The following CACNA2D1 variants were observed in gnomAD, a reference collection of about 807,000 sequenced individuals.
The protein encoded by CACNA2D1 is calcium voltage-gated channel auxiliary subunit alpha2delta 1.
In CACNA2D1, 53 loss-of-function variants were observed where a neutral mutation model predicts 171.5. The ratio of observed to expected loss-of-function variants is 0.31; its 90% CI spans 0.25 to 0.39. CACNA2D1 has a LOEUF of 0.39. Ranked by LOEUF, CACNA2D1 falls within the 10% of genes least tolerant of loss-of-function variation. CACNA2D1 has a pLI of 1.00. For missense variants in CACNA2D1, 903 were observed against 1,299.8 expected (o/e 0.69, Z 4.69); for synonymous variants, 442 against 443.1 (o/e 1.00, Z 0.03).
At chr7:82,203,257 G>A (rs1423582968) in intron 3 of CACNA2D1, among the ~76,000 whole-genome samples, 1 of 152,150 alleles carries the variant, frequency 6.6e-6, no homozygotes, top group Non-Finnish European at 1.5e-5. Flanking sequence ...CATTCTGGAA[G>A]TAAATATTTT....
At chr7:82,125,612 A>G (rs553603705) in intron 5 of CACNA2D1, among the ~76,000 whole-genome samples, 35 of 152,208 alleles carry the variant, frequency 2.3e-4, no homozygotes, top group African/African-American at 8.4e-4. Context: ...AAATGATGGC[A>G]AGTGCCCGTA....
At chr7:82,275,368 T>C (rs1809190117) in intron 3 of CACNA2D1, among the ~76,000 whole-genome samples, 2 of 152,144 alleles carry the variant, frequency 1.3e-5, no homozygotes, top group African/African-American at 2.4e-5. Flanking sequence ...TCAGAGCATG[T>C]GCCCAGCAGT....
At chr7:81,996,829 G>T (rs1185177475) in intron 19 of CACNA2D1, among the ~76,000 whole-genome samples, 2 of 151,798 alleles carry the variant, frequency 1.3e-5, no homozygotes, top group African/African-American at 4.8e-5. Context: ...TGGGTGGTTG[G>T]ATTCCTTCCA....
rs28558851 is a variant in CACNA2D1, at chr7:81,956,587, G to A, written c.3159+2688C>T. Among the ~76,000 whole-genome samples the A allele has an allele frequency of 4.5e-3, 690 of 152,130 alleles. 8 individuals are homozygous for A. Among genetic ancestry groups the A allele is most frequent in the African/African-American group, 0.016 (663 of 41,500 alleles). On this transcript the variant is annotated intron_variant, in intron 38 of 38. Coordinates refer to ENST00000356860, the MANE Select transcript of CACNA2D1 (RefSeq NM_000722.4). ...TAAAGCAACGTTTCCTTACTTTGGC[G>A]TCTTTTGCCATGAAAACTATTCTTT...
At chr7:82,252,061 A>G (rs1805710982) in intron 3 of CACNA2D1, among the ~76,000 whole-genome samples, 1 of 152,260 alleles carries the variant, frequency 6.6e-6, no homozygotes, top group African/African-American at 2.4e-5. Flanking sequence ...TATTTATTAG[A>G]CAATATAACA....
At chr7:82,205,626 T>C (rs1346145659) in intron 3 of CACNA2D1, among the ~76,000 whole-genome samples, 1 of 152,198 alleles carries the variant, frequency 6.6e-6, no homozygotes, top group Non-Finnish European at 1.5e-5. Context: ...ATCCAAATAG[T>C]CTAAGTTATT....
chr7:82,149,314 C>T (rs957409216), intron 4 of CACNA2D1, among the ~76,000 whole-genome samples: 1 of 152,040 alleles, frequency 6.6e-6, no homozygotes, highest in Non-Finnish European at 1.5e-5. Context: ...GGTTTGGTTA[C>T]CTAGAAATAG....
chr7:82,205,602 C>CA (rs1428628179), intron 3 of CACNA2D1, among the ~76,000 whole-genome samples: 1 of 152,050 alleles, frequency 6.6e-6, no homozygotes, highest in African/African-American at 2.4e-5. Context: ...ATTTTCCCGT[C>CA]AAAAATGGTT....
chr7:82,165,274 A>G (rs1277525719), intron 4 of CACNA2D1, among the ~76,000 whole-genome samples: 1 of 151,984 alleles, frequency 6.6e-6, no homozygotes, highest in Non-Finnish European at 1.5e-5. Context: ...AGCCTCATTT[A>G]TATCTACATG....
chr7:82,394,148 T>C (rs974308173), intron 1 of CACNA2D1, among the ~76,000 whole-genome samples: 12 of 151,952 alleles, frequency 7.9e-5, no homozygotes, highest in African/African-American at 2.9e-4. Context: ...AGGTTGAAAA[T>C]GGAGGGGGAG....
At chr7:82,063,552 C>A (rs997608137) in intron 9 of CACNA2D1, among the ~76,000 whole-genome samples, 9 of 150,310 alleles carry the variant, frequency 6.0e-5, no homozygotes, top group Non-Finnish European at 1.0e-4. Flanking sequence ...TCCAATGAGA[C>A]AAAGATTTTT....
At chr7:82,242,254 C>G (rs1310746564) in intron 3 of CACNA2D1, among the ~76,000 whole-genome samples, 1 of 149,884 alleles carries the variant, frequency 6.7e-6, no homozygotes, top group East Asian at 2.0e-4. Flanking sequence ...AGGGAGTGTA[C>G]AATACATCAT....
At chr7:82,021,224 T>A (rs559473408) in intron 12 of CACNA2D1, 1 of 152,268 alleles carries the variant, frequency 6.6e-6, no homozygotes, top group African/African-American at 2.4e-5. Flanking sequence ...ATAAGCTGTA[T>A]GGTGATTTAT....
At chr7:82,149,772 C>CAA (rs1319774469) in intron 4 of CACNA2D1, among the ~76,000 whole-genome samples, 3 of 90,536 alleles carry the variant, frequency 3.3e-5, no homozygotes, top group African/African-American at 1.0e-4. Context: ...ACTAAAAATA[C>CAA]AAAAAAAAAA....
intron 2 of CACNA2D1, 43 bp downstream of exon 2, chr7:82,349,525 T>G (rs749120819): frequency 2.1e-6 from 3 of 1,429,522 alleles, no homozygotes; most frequent in Non-Finnish European, 3.0e-6. Flanking sequence ...TGCATTCGAA[T>G]TAATGAAAAG....
chr7:82,327,899 G>A (rs1816847610), intron 3 of CACNA2D1, among the ~76,000 whole-genome samples: 1 of 152,060 alleles, frequency 6.6e-6, no homozygotes, highest in Non-Finnish European at 1.5e-5. Context: ...TGCTTCTGAG[G>A]GTCATTTAAA....
At chr7:82,432,051 A>AAAAAAAAAAAAAAAAAAAAAAG (rs1829733104) in intron 1 of CACNA2D1, among the ~76,000 whole-genome samples, 1 of 151,330 alleles carries the variant, frequency 6.6e-6, no homozygotes, top group African/African-American at 2.4e-5. Context: ...AAAAAAAAAA[A>AAAAAAAAAAAAAAAAAAAAAAG]AAAAAAATTG....
intron 3 of CACNA2D1, among the ~76,000 whole-genome samples, chr7:82,223,070 A>T (rs535829127): frequency 1.3e-5 from 2 of 151,584 alleles, no homozygotes; most frequent in East Asian, 3.9e-4. Context: ...CACCCAGCTA[A>T]TTTTTTTGTA....
intron 4 of CACNA2D1, among the ~76,000 whole-genome samples, chr7:82,156,070 G>A: frequency 6.6e-6 from 1 of 152,194 alleles, no homozygotes; most frequent in East Asian, 1.9e-4. Flanking sequence ...ATCACCATAA[G>A]ATTTGGTGTT....
Sources: allele counts gnomAD v4.1 joint callset (sites outside exome capture counted in the v4.1 genomes callset), GRCh38; gene constraint gnomAD v4.1.1; transcripts MANE v1.5; gene names NCBI Gene and HGNC (gene_info 2026-07-23, HGNC 2026-07-21).